CABCOCO1: variants seen among roughly 807,000 people sequenced by gnomAD.
The protein encoded by CABCOCO1 is ciliary-associated calcium-binding coiled-coil protein 1.
In CABCOCO1, 28 loss-of-function variants were observed where a neutral mutation model predicts 35.7. That is an observed-to-expected ratio of 0.78 (90% CI 0.58 to 1.07). The LOEUF is 1.07. Among genes scored for constraint, CABCOCO1 ranks in the 50% least tolerant of loss-of-function variants. CABCOCO1 has a pLI of 0.00. For missense variants in CABCOCO1, 326 were observed against 309.2 expected (o/e 1.05, Z -0.41); for synonymous variants, 95 against 100.1 (o/e 0.95, Z 0.30).
At chr10:61,677,811 G>GTTTTTTTTTTTTTTTTTTTTTTT (rs35492889) in intron 2 of CABCOCO1, among the ~76,000 whole-genome samples, 3 of 60,308 alleles carry the variant, frequency 5.0e-5, no homozygotes, top group African/African-American at 6.7e-5. Context: ...TTTTTTGGGT[G>GTTTTTTTTTTTTTTTTTTTTTTT]TTTTTTTTTT....
intron 7 of CABCOCO1, among the ~76,000 whole-genome samples, chr10:61,764,350 G>T (rs1006824773): frequency 6.6e-6 from 1 of 151,982 alleles, no homozygotes; most frequent in African/African-American, 2.4e-5. Flanking sequence ...AATAAGGCAG[G>T]AGTAACAGAT....
chr10:61,676,136 T>C (rs1355471915), intron 2 of CABCOCO1, among the ~76,000 whole-genome samples: 1 of 152,156 alleles, frequency 6.6e-6, no homozygotes, highest in Non-Finnish European at 1.5e-5. Context: ...AAGTATATGA[T>C]TGCAAAATAA....
At chr10:61,688,032 T>A (rs1258212965) in intron 4 of CABCOCO1, among the ~76,000 whole-genome samples, 1 of 152,014 alleles carries the variant, frequency 6.6e-6, no homozygotes, top group Non-Finnish European at 1.5e-5. Context: ...AGGGGCAGCA[T>A]CAAGAAGAAT....
intron 4 of CABCOCO1, among the ~76,000 whole-genome samples, chr10:61,686,753 C>T (rs1013836107): frequency 2.6e-5 from 4 of 152,244 alleles, no homozygotes; most frequent in Admixed American, 2.6e-4. Flanking sequence ...TTTCTTACTA[C>T]TTAGAAAATA....
chr10:61,716,702 T>C (rs1288022702), intron 5 of CABCOCO1, among the ~76,000 whole-genome samples: 1 of 152,192 alleles, frequency 6.6e-6, no homozygotes, highest in Admixed American at 6.6e-5. Context: ...TTAAATAACA[T>C]TTATTTCTAG....
chr10:61,730,168 A>AT (rs560007728), intron 5 of CABCOCO1, among the ~76,000 whole-genome samples: 2,346 of 89,800 alleles, frequency 0.026, 38 homozygotes, highest in East Asian at 0.052. Flanking sequence ...CCATTGTCCA[A>AT]TAAAAAAAAA....
intron 5 of CABCOCO1, among the ~76,000 whole-genome samples, chr10:61,700,856 T>C (rs11814365): frequency 0.016 from 2,366 of 152,220 alleles, 38 homozygotes; most frequent in East Asian, 0.046. Flanking sequence ...ATGTTAATTA[T>C]TTGATAACAA....
intron 5 of CABCOCO1, among the ~76,000 whole-genome samples, chr10:61,713,763 A>C (rs1048960109): frequency 3.9e-5 from 6 of 152,182 alleles, no homozygotes; most frequent in Non-Finnish European, 7.3e-5. Flanking sequence ...ATCTATTGAG[A>C]TAATCATGTG....
intron 1 of CABCOCO1, among the ~76,000 whole-genome samples, chr10:61,671,293 T>C (rs1462725811): frequency 6.6e-6 from 1 of 151,578 alleles, no homozygotes; most frequent in Non-Finnish European, 1.5e-5. Context: ...CCACTGCACT[T>C]CAGCCTGGGT....
intron 7 of CABCOCO1, among the ~76,000 whole-genome samples, chr10:61,765,323 G>A (rs769182966): frequency 3.9e-5 from 6 of 152,174 alleles, no homozygotes; most frequent in Admixed American, 2.0e-4. Context: ...ACAGAAGATC[G>A]CTGCCAGAGG....
chr10:61,697,600 A>C (rs1345064756), intron 5 of CABCOCO1, among the ~76,000 whole-genome samples: 1 of 152,110 alleles, frequency 6.6e-6, no homozygotes, highest in Admixed American at 6.6e-5. Context: ...TAGGAATGGA[A>C]TAGGATGTGA....
At chr10:61,701,937 T>C (rs1304289652) in intron 5 of CABCOCO1, 3 of 424,986 alleles carry the variant, frequency 7.1e-6, no homozygotes. Flanking sequence ...TCGTTGGATC[T>C]TCTAGGGAGG....
At chr10:61,702,562 A>G (rs947896614) in intron 5 of CABCOCO1, among the ~76,000 whole-genome samples, 5 of 152,270 alleles carry the variant, frequency 3.3e-5, no homozygotes, top group Middle Eastern at 3.4e-3. Flanking sequence ...AAATATAATC[A>G]ATGTAAGTCA....
chr10:61,739,982 A>G (rs1424406321), intron 5 of CABCOCO1, among the ~76,000 whole-genome samples: 1 of 152,210 alleles, frequency 6.6e-6, no homozygotes, highest in Non-Finnish European at 1.5e-5. Flanking sequence ...AGAAGTTGGT[A>G]ACTACTTGGA....
chr10:61,716,625 A>G (rs1025362829), intron 5 of CABCOCO1, among the ~76,000 whole-genome samples: 1 of 152,034 alleles, frequency 6.6e-6, no homozygotes, highest in Non-Finnish European at 1.5e-5. Context: ...TTTTATCTCT[A>G]CCTTTCTTGG....
In CABCOCO1 at chr10:61,720,147, A is replaced by G. The variant is rs1471329330; in HGVS notation, c.552+29526A>G. Among the ~76,000 whole-genome samples the G allele has an allele frequency of 3.3e-5, 5 of 152,238 alleles. No individual in the cohort carries two copies. In the East Asian group the frequency reaches 7.7e-4, roughly 24 times the overall value. ...ACGCAGGATCTGAAGAACAAAAGGA[A>G]CCACTGTTCTAAAAGAAAAAGATGA... On this transcript the variant is annotated intron_variant, in intron 5 of 7. Transcript: ENST00000648843.
intron 7 of CABCOCO1, among the ~76,000 whole-genome samples, chr10:61,765,207 T>A (rs112245301): frequency 6.6e-6 from 1 of 152,146 alleles, no homozygotes; most frequent in Admixed American, 6.6e-5. Flanking sequence ...TTTTTCTGTA[T>A]GTAATTTTAT....
At chr10:61,737,741 G>A (rs186767338) in intron 5 of CABCOCO1, among the ~76,000 whole-genome samples, 1 of 152,114 alleles carries the variant, frequency 6.6e-6, no homozygotes, top group Non-Finnish European at 1.5e-5. Flanking sequence ...ACTTATAAGC[G>A]AGAGCTAAAT....
At chr10:61,738,013 T>A (rs1303157640) in intron 5 of CABCOCO1, among the ~76,000 whole-genome samples, 1 of 150,648 alleles carries the variant, frequency 6.6e-6, no homozygotes, top group South Asian at 2.1e-4. Flanking sequence ...CACTTACCAA[T>A]TAAAGCGTAT....
Sources: gnomAD v4.1 joint callset for allele counts (sites outside exome capture counted in the v4.1 genomes callset) on GRCh38, gnomAD v4.1.1 for gene constraint, MANE v1.5 for transcripts, NCBI Gene and HGNC (gene_info 2026-07-23, HGNC 2026-07-21) for gene names.